SPRR2G: variants seen among roughly 807,000 people sequenced by gnomAD.
SPRR2G encodes small proline-rich protein 2G.
Under a neutral mutation model 0.7 loss-of-function variants are expected in SPRR2G, and 1 was observed. The ratio of observed to expected loss-of-function variants is 1.49; its 90% CI spans 0.53 to 7.06. SPRR2G has a LOEUF of 7.06. Ranked by LOEUF, SPRR2G falls within the 30% of genes most tolerant of loss-of-function variation. The probability of loss-of-function intolerance (pLI) is 0.14; values close to 1 mark genes in which losing one functional copy is unlikely to be tolerated. For missense variants in SPRR2G, 96 were observed against 88.5 expected (o/e 1.09, Z -0.34); for synonymous variants, 38 against 33.9 (o/e 1.12, Z -0.42).
upstream of SPRR2G, among the ~76,000 whole-genome samples, chr1:153,154,088 A>C (rs186190782): frequency 8.8e-4 from 133 of 151,134 alleles, 1 homozygote; most frequent in Admixed American, 8.2e-3. Context: ...TACAATTTGT[A>C]TCCTTTATTC....
the SPRR2G span, among the ~76,000 whole-genome samples, chr1:153,192,702 A>G: frequency 6.6e-6 from 1 of 152,196 alleles, no homozygotes; most frequent in Middle Eastern, 3.4e-3. Context: ...CTGGGCCTAA[A>G]TTTTTCTCAA....
chr1:153,157,751 C>A, the SPRR2G span, among the ~76,000 whole-genome samples: 1 of 152,020 alleles, frequency 6.6e-6, no homozygotes, highest in Non-Finnish European at 1.5e-5. Flanking sequence ...TACCATTAGT[C>A]CGTTCTCACA....
the SPRR2G span, among the ~76,000 whole-genome samples, chr1:153,170,969 G>T: frequency 1.3e-5 from 2 of 152,164 alleles, no homozygotes; most frequent in Non-Finnish European, 2.9e-5. Context: ...CAAAGACCTA[G>T]AAGATCCAGG....
At chr1:153,154,948 G>C (rs1656551837), upstream of SPRR2G, among the ~76,000 whole-genome samples, 1 of 152,068 alleles carries the variant, frequency 6.6e-6, no homozygotes, top group South Asian at 2.1e-4. Context: ...ACATGTCACA[G>C]TGCCAATCAT....
chr1:153,175,750 T>C, the SPRR2G span, among the ~76,000 whole-genome samples: 1 of 152,232 alleles, frequency 6.6e-6, no homozygotes, highest in African/African-American at 2.4e-5. Flanking sequence ...CACTGCTATA[T>C]GCCCAGCACC....
the SPRR2G span, among the ~76,000 whole-genome samples, chr1:153,202,905 AG>A: frequency 1.3e-5 from 2 of 152,208 alleles, no homozygotes; most frequent in African/African-American, 4.8e-5. Context: ...GACCCTGGTC[AG>A]GCCTTTAAAA....
chr1:153,167,723 C>T, the SPRR2G span, among the ~76,000 whole-genome samples: 1 of 151,984 alleles, frequency 6.6e-6, no homozygotes, highest in Non-Finnish European at 1.5e-5. Context: ...AAGATATAAG[C>T]CAAAATATGT....
the SPRR2G span, among the ~76,000 whole-genome samples, chr1:153,171,840 G>A: frequency 6.6e-6 from 1 of 152,250 alleles, no homozygotes; most frequent in African/African-American, 2.4e-5. Flanking sequence ...ATTAGTGGAT[G>A]TCTAACATTA....
the SPRR2G span, among the ~76,000 whole-genome samples, chr1:153,177,584 C>G: frequency 1.3e-5 from 2 of 152,064 alleles, no homozygotes; most frequent in Non-Finnish European, 2.9e-5. Context: ...AACTGCATTT[C>G]CCTGACTGAT....
At chr1:153,150,242 C>G in intron 1 of SPRR2G, 111 bp from the exon 2 acceptor site, 2 of 1,458,516 alleles carry the variant, frequency 1.4e-6, no homozygotes, top group Non-Finnish European at 1.8e-6. Context: ...ATCCCTAATA[C>G]AGTCTTTATG....
the SPRR2G span, among the ~76,000 whole-genome samples, chr1:153,170,728 G>A: frequency 3.9e-5 from 6 of 152,098 alleles, no homozygotes; most frequent in African/African-American, 1.2e-4. Flanking sequence ...GGATCCCACA[G>A]ACCCACATAC....
the SPRR2G span, among the ~76,000 whole-genome samples, chr1:153,171,651 G>A: frequency 6.6e-6 from 1 of 152,156 alleles, no homozygotes; most frequent in Non-Finnish European, 1.5e-5. Flanking sequence ...AAGTTGACTG[G>A]AAACCCTGTG....
chr1:153,160,746 T>C, the SPRR2G span, among the ~76,000 whole-genome samples: 213 of 151,668 alleles, frequency 1.4e-3, 1 homozygote, highest in Non-Finnish European at 2.6e-3. Context: ...ACTGGGTATA[T>C]ACCCAAAGGA....
At chr1:153,156,962 C>T in the SPRR2G span, among the ~76,000 whole-genome samples, 390 of 152,152 alleles carry the variant, frequency 2.6e-3, 1 homozygote, top group African/African-American at 9.0e-3. Flanking sequence ...CAAGATTGTT[C>T]GGCTTTATTC....
the SPRR2G span, among the ~76,000 whole-genome samples, chr1:153,180,229 G>T: frequency 6.6e-6 from 1 of 152,148 alleles, no homozygotes; most frequent in Admixed American, 6.6e-5. Context: ...CATCTCAGAA[G>T]CAGTCCACCT....
chr1:153,163,089 C>A, the SPRR2G span, among the ~76,000 whole-genome samples: 1 of 152,138 alleles, frequency 6.6e-6, no homozygotes. Context: ...TAAAAATGCA[C>A]AAGATAAAGA....
the SPRR2G span, among the ~76,000 whole-genome samples, chr1:153,178,628 C>T: frequency 6.6e-6 from 1 of 151,962 alleles, no homozygotes; most frequent in African/African-American, 2.4e-5. Context: ...TTAAATAAAC[C>T]TTGCATTCTG....
At chr1:153,189,250 CA>C in the SPRR2G span, among the ~76,000 whole-genome samples, 3 of 152,094 alleles carry the variant, frequency 2.0e-5, no homozygotes, top group African/African-American at 7.2e-5. Flanking sequence ...TTTAGTGTAA[CA>C]TATGCTTAAA....
At chr1:153,155,586 A>G (rs1244302016), upstream of SPRR2G, among the ~76,000 whole-genome samples, 2 of 152,174 alleles carry the variant, frequency 1.3e-5, no homozygotes, top group Non-Finnish European at 2.9e-5. Context: ...AGAGTGATAC[A>G]TTAAAAAGTA....
Sources: gnomAD v4.1 joint callset for allele counts (sites outside exome capture counted in the v4.1 genomes callset) on GRCh38, gnomAD v4.1.1 for gene constraint, MANE v1.5 for transcripts, NCBI Gene and HGNC (gene_info 2026-07-23, HGNC 2026-07-21) for gene names.